Variants in ATOSA observed in about 807,000 individuals in gnomAD.
ATOSA encodes atos homolog A.
At chr15:52,660,553 C>T in the ATOSA span, among the ~76,000 whole-genome samples, 111 of 152,316 alleles carry the variant, frequency 7.3e-4, no homozygotes, top group African/African-American at 2.4e-3. Flanking sequence ...TTTCCTTCAG[C>T]GCACTTGGAA....
chr15:52,609,523 G>A, the ATOSA span: 1 of 1,613,498 alleles, frequency 6.2e-7, no homozygotes, highest in Non-Finnish European at 8.5e-7. Flanking sequence ...AGGCATATGA[G>A]AATAAAAGTC....
the ATOSA span, among the ~76,000 whole-genome samples, chr15:52,592,903 T>C: frequency 3.3e-5 from 5 of 152,098 alleles, no homozygotes; most frequent in Admixed American, 6.5e-5. Flanking sequence ...ATCCCAACAC[T>C]TGGAAGGCCA....
At chr15:52,673,411 A>G in the ATOSA span, among the ~76,000 whole-genome samples, 1 of 152,214 alleles carries the variant, frequency 6.6e-6, no homozygotes, top group Non-Finnish European at 1.5e-5. Flanking sequence ...TTCACATTTG[A>G]GCTTGCCCTT....
chr15:52,661,309 T>A, the ATOSA span, among the ~76,000 whole-genome samples: 1 of 152,360 alleles, frequency 6.6e-6, no homozygotes, highest in Admixed American at 6.5e-5. Context: ...TCCAGTTTCC[T>A]GATAAAAGCC....
chr15:52,637,504 T>G, the ATOSA span, among the ~76,000 whole-genome samples: 2 of 152,204 alleles, frequency 1.3e-5, no homozygotes, highest in Non-Finnish European at 2.9e-5. Flanking sequence ...TAATTGAGTC[T>G]TATAAATTGT....
chr15:52,662,060 T>C, the ATOSA span, among the ~76,000 whole-genome samples: 3 of 151,882 alleles, frequency 2.0e-5, no homozygotes, highest in Non-Finnish European at 2.9e-5. Context: ...GTCAAAGAGG[T>C]TGGTGATTAT....
At chr15:52,584,845 T>C in the ATOSA span, 1 of 1,613,606 alleles carries the variant, frequency 6.2e-7, no homozygotes, top group African/African-American at 1.3e-5. Flanking sequence ...ACAGAAAAAG[T>C]TCTTTGTCGT....
At chr15:52,654,226 G>A in the ATOSA span, among the ~76,000 whole-genome samples, 1 of 152,060 alleles carries the variant, frequency 6.6e-6, no homozygotes, top group African/African-American at 2.4e-5. Context: ...GTCACAACAT[G>A]TAATTATAAA....
chr15:52,690,992 T>C, the ATOSA span, among the ~76,000 whole-genome samples: 2 of 152,216 alleles, frequency 1.3e-5, no homozygotes, highest in Non-Finnish European at 2.9e-5. Context: ...AGGATTTTAA[T>C]GTTATATTTC....
chr15:52,661,507 T>G, the ATOSA span, among the ~76,000 whole-genome samples: 3 of 152,220 alleles, frequency 2.0e-5, no homozygotes. Flanking sequence ...TGAAAGAAAC[T>G]CACACACTCT....
chr15:52,603,859 G>A, the ATOSA span, among the ~76,000 whole-genome samples: 1 of 152,116 alleles, frequency 6.6e-6, no homozygotes, highest in Non-Finnish European at 1.5e-5. Flanking sequence ...GATAAAGTGG[G>A]AATGGTTAAT....
chr15:52,678,507 G>C, the ATOSA span: 1 of 160,034 alleles, frequency 6.2e-6, no homozygotes, highest in Non-Finnish European at 1.4e-5. Context: ...CTGGTGCCTG[G>C]GCGCAGCCAA....
chr15:52,678,125 GAA>G, the ATOSA span: 2 of 1,369,146 alleles, frequency 1.5e-6, no homozygotes, highest in South Asian at 1.2e-5. Flanking sequence ...TCAAAATGCT[GAA>G]AGAGACAAAA....
chr15:52,602,963 G>T, the ATOSA span, among the ~76,000 whole-genome samples: 2 of 152,112 alleles, frequency 1.3e-5, no homozygotes, highest in African/African-American at 4.8e-5. Context: ...TATGCATTTG[G>T]AAGTTATACT....
chr15:52,599,313 G>C, the ATOSA span, among the ~76,000 whole-genome samples: 4 of 152,162 alleles, frequency 2.6e-5, no homozygotes, highest in Non-Finnish European at 5.9e-5. Context: ...AAGAGGAATA[G>C]AGAGCTTGAC....
chr15:52,605,518 C>G, the ATOSA span, among the ~76,000 whole-genome samples: 2 of 152,048 alleles, frequency 1.3e-5, no homozygotes, highest in African/African-American at 4.8e-5. Flanking sequence ...CTGAAACATT[C>G]CGATGAAAAT....
chr15:52,652,156 T>C, the ATOSA span: 8 of 1,042,026 alleles, frequency 7.7e-6, no homozygotes, highest in Admixed American at 3.7e-5. Context: ...CAGCTTCCTG[T>C]CTACTTGGCA....
At chr15:52,653,502 G>T in the ATOSA span, among the ~76,000 whole-genome samples, 1 of 152,144 alleles carries the variant, frequency 6.6e-6, no homozygotes, top group East Asian at 1.9e-4. Flanking sequence ...GACGTGCTTG[G>T]AAACACAATA....
chr15:52,681,409 C>G, the ATOSA span, among the ~76,000 whole-genome samples: 1 of 152,170 alleles, frequency 6.6e-6, no homozygotes, highest in Non-Finnish European at 1.5e-5. Context: ...TTACATGGCC[C>G]TAATCAAGTC....
Sources: gnomAD v4.1 joint callset for allele counts (sites outside exome capture counted in the v4.1 genomes callset) on GRCh38, gnomAD v4.1.1 for gene constraint, MANE v1.5 for transcripts, NCBI Gene and HGNC (gene_info 2026-07-23, HGNC 2026-07-21) for gene names.